SLC2A14: variants seen among roughly 807,000 people sequenced by gnomAD.
The protein encoded by SLC2A14 is solute carrier family 2 member 14.
Under a neutral mutation model 43.0 loss-of-function variants are expected in SLC2A14, and 13 were observed. The observed-to-expected ratio is 0.30, with a 90% CI of 0.20 to 0.48. SLC2A14 has a LOEUF of 0.48. SLC2A14 is among the 20% of genes least tolerant of loss of function. The pLI is 0.99. For missense variants in SLC2A14, 428 were observed against 620.4 expected, an observed-to-expected ratio of 0.69 and a Z score of 3.29; for synonymous variants, 190 against 233.8, an observed-to-expected ratio of 0.81 and a Z score of 1.71.
intron 2 of SLC2A14, among the ~76,000 whole-genome samples, chr12:7,859,206 C>G (rs1388210237): frequency 4.0e-5 from 6 of 151,876 alleles, no homozygotes; most frequent in African/African-American, 1.5e-4. Context: ...CTGACGAACA[C>G]GGTGAAACCC....
rs759353656 is a variant in SLC2A14, at chr12:7,882,477, G to T, written c.132+8519C>A. On this transcript the variant is annotated intron_variant, in intron 1 of 9. Coordinates refer to the SLC2A14 transcript ENST00000539924. The stretch of plus-strand genomic sequence containing the variant: ...AGAATCCCCCAATTCCTGACACAGC[G>T]CCCCTCCACTCCAGCCTGGGCAACG... Among the ~76,000 whole-genome samples, 15 of 152,154 alleles carry T rather than the reference G, an allele frequency of 9.9e-5. No homozygotes were observed. In the South Asian group the frequency reaches 1.9e-3, roughly 19 times the overall value.
intron 2 of SLC2A14, 22 bp from the exon 3 acceptor site, chr12:7,832,836 A>G (rs1424273054): frequency 6.2e-6 from 10 of 1,607,178 alleles, no homozygotes; most frequent in Non-Finnish European, 8.5e-6. Flanking sequence ...GAGGACAGGG[A>G]GGAGAGAATA....
At chr12:7,890,432 C>T (rs1394311914) in intron 1 of SLC2A14, among the ~76,000 whole-genome samples, 1 of 152,122 alleles carries the variant, frequency 6.6e-6, no homozygotes, top group Non-Finnish European at 1.5e-5. Context: ...CCCATCCCTT[C>T]CCGACCCCAT....
chr12:7,855,288 A>G (rs904057139), intron 2 of SLC2A14, among the ~76,000 whole-genome samples: 2 of 152,034 alleles, frequency 1.3e-5, no homozygotes, highest in Non-Finnish European at 2.9e-5. Flanking sequence ...AAACAAAAGC[A>G]TGCTTCCTCT....
At chr12:7,855,043 C>T (rs909318117) in intron 2 of SLC2A14, among the ~76,000 whole-genome samples, 2 of 151,826 alleles carry the variant, frequency 1.3e-5, no homozygotes, top group African/African-American at 2.4e-5. Flanking sequence ...CTCCTGACCT[C>T]GTGATCCACC....
intron 1 of SLC2A14, among the ~76,000 whole-genome samples, chr12:7,881,602 C>T (rs1002070166): frequency 4.6e-5 from 7 of 152,138 alleles, no homozygotes; most frequent in Non-Finnish European, 1.0e-4. Context: ...CCCCGACAAG[C>T]GCGGCCTCCT....
At chr12:7,874,914 T>C (rs1945415405), upstream of SLC2A14, among the ~76,000 whole-genome samples, 1 of 96,024 alleles carries the variant, frequency 1.0e-5, no homozygotes, top group Non-Finnish European at 1.8e-5. Flanking sequence ...TAAATACATA[T>C]ATAAATATAT....
At chr12:7,846,188 T>A (rs1866452265) in intron 2 of SLC2A14, among the ~76,000 whole-genome samples, 1 of 151,650 alleles carries the variant, frequency 6.6e-6, no homozygotes, top group Non-Finnish European at 1.5e-5. Flanking sequence ...TTACTGAGAG[T>A]AGAGCTCAGG....
intron 1 of SLC2A14, chr12:7,871,733 G>A: frequency 4.9e-6 from 1 of 202,720 alleles, no homozygotes; most frequent in Non-Finnish European, 8.7e-6. Context: ...GCCCCCAGGA[G>A]GAAGGGACCC....
chr12:7,874,730 A>AT (rs1945386516), upstream of SLC2A14, among the ~76,000 whole-genome samples: 2 of 4,556 alleles, frequency 4.4e-4, no homozygotes, highest in Non-Finnish European at 1.4e-3. Flanking sequence ...ATATATAAAA[A>AT]ATATATAAAA....
intron 2 of SLC2A14, among the ~76,000 whole-genome samples, chr12:7,856,823 G>T (rs912390036): frequency 5.3e-5 from 8 of 150,192 alleles, no homozygotes; most frequent in African/African-American, 2.0e-4. Context: ...TTTGAAGTGG[G>T]TATTAATGAA....
rs988465654 is a variant in SLC2A14, at chr12:7,859,537, G to A, written c.18+10326C>T. Among the ~76,000 whole-genome samples the A allele has an allele frequency of 2.6e-5, 4 of 152,090 alleles. 1 individual carries two copies. The highest frequency in any genetic ancestry group is 4.4e-5 in the Non-Finnish European group (3 of 68,010). ...AACCATGGGAATAAATGACTGAGGT[G>A]GACTGGAAAACAAGATGATTGGAAA... On this transcript the variant is annotated intron_variant, in intron 2 of 10. Transcript: ENST00000431042.
chr12:7,858,085 A>G (rs1333541542), intron 2 of SLC2A14, among the ~76,000 whole-genome samples: 1 of 152,186 alleles, frequency 6.6e-6, no homozygotes, highest in African/African-American at 2.4e-5. Context: ...ATGAGCCGAG[A>G]TCGTGCCACT....
intron 2 of SLC2A14, among the ~76,000 whole-genome samples, chr12:7,851,265 T>G (rs1866919881): frequency 6.6e-6 from 1 of 152,194 alleles, no homozygotes; most frequent in Non-Finnish European, 1.5e-5. Flanking sequence ...TATTTTATTC[T>G]GTGCAGTCTC....
chr12:7,884,348 G>T (rs1945653096), intron 1 of SLC2A14, among the ~76,000 whole-genome samples: 1 of 152,042 alleles, frequency 6.6e-6, no homozygotes, highest in Non-Finnish European at 1.5e-5. Context: ...TGCAATAACT[G>T]AAATACTCTG....
chr12:7,836,778 G>A (rs1043075893), intron 2 of SLC2A14, among the ~76,000 whole-genome samples: 1 of 152,020 alleles, frequency 6.6e-6, no homozygotes, highest in Admixed American at 6.6e-5. Flanking sequence ...GGACATTACA[G>A]TGAGCCTAGA....
chr12:7,814,881 C>T (rs1863296363), intron 10 of SLC2A14, among the ~76,000 whole-genome samples: 1 of 151,948 alleles, frequency 6.6e-6, no homozygotes, highest in Non-Finnish European at 1.5e-5. Context: ...CTCACTGCAA[C>T]CTCCTCCTCT....
intron 2 of SLC2A14, among the ~76,000 whole-genome samples, chr12:7,861,956 C>T (rs1305956885): frequency 2.8e-5 from 2 of 70,498 alleles, no homozygotes; most frequent in East Asian, 6.7e-4. Context: ...AGCGAGACTC[C>T]ATTTCAAAAA....
chr12:7,860,867 ACTGCAACCTCTGCCTCCTGG>A (rs1275910094), intron 2 of SLC2A14: 5 of 151,762 alleles, frequency 3.3e-5, no homozygotes, highest in African/African-American at 9.7e-5. Flanking sequence ...ATCTCAGCTC[ACTGCAACCTCTGCCTCCTGG>A]GTTCAAGCGA....
Sources: gnomAD v4.1 joint callset for allele counts (sites outside exome capture counted in the v4.1 genomes callset) on GRCh38, gnomAD v4.1.1 for gene constraint, MANE v1.5 for transcripts, NCBI Gene and HGNC (gene_info 2026-07-23, HGNC 2026-07-21) for gene names.